Variants in IGF2BP1 observed in about 807,000 individuals in gnomAD.
IGF2BP1 encodes the protein insulin like growth factor 2 mRNA binding protein 1.
IGF2BP1 carries 11 observed loss-of-function variants against 74.9 expected under a neutral mutation model. The observed-to-expected ratio is 0.15, with a 90% confidence interval of 0.09 to 0.24. IGF2BP1 has a LOEUF of 0.24. IGF2BP1 is among the 10% of genes least tolerant of loss of function. IGF2BP1 has a pLI of 1.00. For synonymous variants in IGF2BP1, 287 were observed against 281.8 expected (o/e 1.02, Z -0.18); for missense variants, 440 against 757.4 (o/e 0.58, Z 4.92).
chr17:49,010,560 C>A lies in IGF2BP1; in HGVS notation c.236+11391C>A, dbSNP rs549096098. On this transcript the variant is annotated intron_variant, in intron 2 of 14. Coordinates refer to ENST00000290341, the MANE Select transcript of IGF2BP1 (RefSeq NM_006546.4). ...CACGATCTCCTGACCTCGTGATCTG[C>A]CCGCCTTGGCCTCCCAAAGTGCAGT... Among the ~76,000 whole-genome samples the A allele has an allele frequency of 2.6e-5, 4 of 152,166 alleles. No individual in the cohort carries two copies. In the East Asian group the frequency reaches 7.7e-4, roughly 29 times the overall value.
chr17:49,030,119 C>T (rs1326285186), intron 4 of IGF2BP1, among the ~76,000 whole-genome samples: 1 of 150,250 alleles, frequency 6.7e-6, no homozygotes, highest in Non-Finnish European at 1.5e-5. Context: ...TACAGCCATT[C>T]CTGTCAGTCC....
At chr17:49,019,964 A>ACACC (rs2041767937) in intron 2 of IGF2BP1, among the ~76,000 whole-genome samples, 1 of 92,118 alleles carries the variant, frequency 1.1e-5, no homozygotes, top group African/African-American at 5.5e-5. Flanking sequence ...ATACACACAC[A>ACACC]CACACACACA....
chr17:49,030,810 A>G (rs1379913787), intron 4 of IGF2BP1, among the ~76,000 whole-genome samples: 2 of 151,860 alleles, frequency 1.3e-5, no homozygotes, highest in Non-Finnish European at 2.9e-5. Flanking sequence ...TTGTAATTTT[A>G]GTAGAAATGG....
At chr17:49,018,432 C>G (rs1375549659) in intron 2 of IGF2BP1, among the ~76,000 whole-genome samples, 1 of 152,282 alleles carries the variant, frequency 6.6e-6, no homozygotes, top group African/African-American at 2.4e-5. Flanking sequence ...CAGGCTGATT[C>G]CTTCTCTACT....
At chr17:49,044,131 C>G (rs1442600814) in intron 11 of IGF2BP1, 45 bp downstream of exon 11, 5 of 1,605,200 alleles carry the variant, frequency 3.1e-6, no homozygotes, top group African/African-American at 2.7e-5. Flanking sequence ...AGGGAGGGGT[C>G]TCTGCTTTTA....
At chr17:48,998,627 C>T (rs1055058438) in intron 1 of IGF2BP1, among the ~76,000 whole-genome samples, 4 of 152,122 alleles carry the variant, frequency 2.6e-5, no homozygotes, top group African/African-American at 2.4e-5. Context: ...TCCCCCAGGT[C>T]CACCCCTTCC....
At chr17:49,005,945 C>A (rs537979706) in intron 2 of IGF2BP1, among the ~76,000 whole-genome samples, 2 of 152,070 alleles carry the variant, frequency 1.3e-5, no homozygotes, top group Non-Finnish European at 1.5e-5. Context: ...GCCTGTAGTC[C>A]CAGCTACTCG....
At chr17:49,010,820 A>G (rs1436432325) in intron 2 of IGF2BP1, among the ~76,000 whole-genome samples, 1 of 152,070 alleles carries the variant, frequency 6.6e-6, no homozygotes, top group East Asian at 1.9e-4. Flanking sequence ...GAGTCCACGC[A>G]CTAAAATGGG....
intron 1 of IGF2BP1, among the ~76,000 whole-genome samples, chr17:48,998,498 G>A (rs1302171435): frequency 2.0e-5 from 3 of 151,896 alleles, no homozygotes; most frequent in African/African-American, 7.3e-5. Flanking sequence ...TGGGGCGTGA[G>A]CGGGGTGGCG....
chr17:49,056,109 A>G lies in IGF2BP1; in HGVS notation c.*6665A>G, dbSNP rs1356504511. Among the ~76,000 whole-genome samples the G allele has an allele frequency of 6.6e-6, 1 of 152,038 alleles. No individual in the cohort carries two copies. The highest frequency in any genetic ancestry group is 1.5e-5 in the Non-Finnish European group (1 of 68,004). ...ACAAACCACTTCATTTTGCTGTTTC[A>G]ATTTCAAAATAAAAGGAAACTTATA... On this transcript the variant is annotated 3_prime_UTR_variant, in exon 15 of 15. Coordinates refer to ENST00000290341, the MANE Select transcript of IGF2BP1 (RefSeq NM_006546.4).
intron 5 of IGF2BP1, among the ~76,000 whole-genome samples, chr17:49,033,924 A>G (rs1437248208): frequency 6.7e-6 from 1 of 149,972 alleles, no homozygotes; most frequent in Non-Finnish European, 1.5e-5. Flanking sequence ...GGCTGAGGGA[A>G]TACTCCTGCC....
At position 49,055,441 on chromosome 17, in the gene IGF2BP1, T is replaced by A; in HGVS notation, c.*5997T>A. 5.0e-4 allele frequency: 164 copies of A among 325,676 alleles called. No homozygotes were observed. Among genetic ancestry groups the A allele is most frequent in the Middle Eastern group, 8.1e-4 (1 of 1,230 alleles). 20.2% of individuals were successfully genotyped at this position (325,676 alleles called of 1,614,324 possible). The stretch of plus-strand genomic sequence containing the variant: ...TGACTTCAGTCACCCCTGTCCCCCC[T>A]CCCCTGCCAATAAGCTCCCCCAGGA... On this transcript the variant is annotated 3_prime_UTR_variant, in exon 15 of 15. Coordinates refer to ENST00000290341, the MANE Select transcript of IGF2BP1 (RefSeq NM_006546.4).
At chr17:49,037,004 A>G (rs746400363) in intron 5 of IGF2BP1, 2 of 204,708 alleles carry the variant, frequency 9.8e-6, no homozygotes, top group Non-Finnish European at 2.1e-5. Flanking sequence ...ATTGAGATCA[A>G]AGAGGAGTGT....
intron 2 of IGF2BP1, among the ~76,000 whole-genome samples, chr17:49,022,016 C>G (rs1440189736): frequency 6.6e-6 from 1 of 152,242 alleles, no homozygotes; most frequent in African/African-American, 2.4e-5. Context: ...CCATACTAGT[C>G]TGGATACTCC....
chr17:49,005,605 A>T lies in IGF2BP1; in HGVS notation c.236+6436A>T, dbSNP rs932171770. ...GTGGAGAAAAATCCCATAATAGAGG[A>T]GGCAGGAGAAGAGGGGAAGCTCTAC... is the stretch of plus-strand genomic sequence containing the variant. On this transcript the variant is annotated intron_variant, in intron 2 of 14. Coordinates refer to ENST00000290341, the MANE Select transcript of IGF2BP1 (RefSeq NM_006546.4). 1.8e-4 allele frequency among the ~76,000 whole-genome samples: 27 copies of T among 152,088 alleles called. 1 individual carries two copies.
At chr17:48,999,732 C>G (rs1266779830) in intron 2 of IGF2BP1, among the ~76,000 whole-genome samples, 2 of 151,908 alleles carry the variant, frequency 1.3e-5, no homozygotes, top group African/African-American at 4.8e-5. Flanking sequence ...CCCCCAATCC[C>G]TCATATCTCA....
chr17:49,008,648 T>G (rs2041579773), intron 2 of IGF2BP1, among the ~76,000 whole-genome samples: 1 of 152,230 alleles, frequency 6.6e-6, no homozygotes, highest in South Asian at 2.1e-4. Flanking sequence ...ATGCTGTCTG[T>G]CTAGGCCCAA....
At chr17:49,038,731 C>A (rs151150517) in intron 6 of IGF2BP1, among the ~76,000 whole-genome samples, 106 of 152,168 alleles carry the variant, frequency 7.0e-4, no homozygotes, top group African/African-American at 2.4e-3. Context: ...CCAAGCAAAC[C>A]TCATTTTGAT....
At chr17:49,040,829 G>T (rs981537359) in intron 7 of IGF2BP1, among the ~76,000 whole-genome samples, 1 of 152,150 alleles carries the variant, frequency 6.6e-6, no homozygotes, top group African/African-American at 2.4e-5. Context: ...TGTTTAAATT[G>T]TTTTAAACTT....
Sources: allele counts gnomAD v4.1 joint callset (sites outside exome capture counted in the v4.1 genomes callset), GRCh38; gene constraint gnomAD v4.1.1; transcripts MANE v1.5; gene names NCBI Gene and HGNC (gene_info 2026-07-23, HGNC 2026-07-21).